The following HS3ST4 variants were observed in gnomAD, a reference collection of about 807,000 sequenced individuals.
HS3ST4 encodes the protein heparan sulfate-glucosamine 3-sulfotransferase 4.
HS3ST4 carries 17 observed loss-of-function variants against 29.2 expected under a neutral mutation model. The ratio of observed to expected loss-of-function variants is 0.58; its 90% CI spans 0.40 to 0.87. The LOEUF is 0.87. HS3ST4 is among the 40% of genes least tolerant of loss of function. HS3ST4 has a pLI of 0.00. For synonymous variants in HS3ST4, 314 were observed against 285.7 expected (o/e 1.10, Z -1.00); for missense variants, 627 against 634.5 (o/e 0.99, Z 0.13).
chr16:25,741,788 C>CT (rs1377014486), intron 1 of HS3ST4, among the ~76,000 whole-genome samples: 1 of 152,102 alleles, frequency 6.6e-6, no homozygotes, highest in Non-Finnish European at 1.5e-5. Flanking sequence ...ATCACAATCC[C>CT]TTATACCAGT....
intron 1 of HS3ST4, among the ~76,000 whole-genome samples, chr16:25,954,945 A>AAGC (rs1353830338): frequency 1.3e-5 from 2 of 152,238 alleles, no homozygotes; most frequent in African/African-American, 4.8e-5. Flanking sequence ...CTTATGAAAT[A>AAGC]ATTTTTATAA....
Position 25,692,272 on chromosome 16 carries a change from C to T in HS3ST4, c.-146C>T. ...ACAGCGGCCAGGGCCGGGGGCGCAGCGGCGTCGCTTCATGCAGCCGGGGCG... is the reference window on the plus strand; with the variant it reads ...ACAGCGGCCAGGGCCGGGGGCGCAGTGGCGTCGCTTCATGCAGCCGGGGCG... On this transcript the variant is annotated 5_prime_UTR_variant, in exon 1 of 2. Transcript: ENST00000331351. 6.5e-6 allele frequency: 1 copy of T among 153,444 alleles called. No homozygotes were observed. Among genetic ancestry groups the T allele is most frequent in the Non-Finnish European group, 1.4e-5 (1 of 72,184 alleles). 9.5% of individuals were successfully genotyped at this position (153,444 alleles called of 1,614,324 possible).
intron 1 of HS3ST4, among the ~76,000 whole-genome samples, chr16:25,976,286 T>C (rs1045853823): frequency 1.3e-5 from 2 of 152,214 alleles, no homozygotes; most frequent in Non-Finnish European, 1.5e-5. Flanking sequence ...TCTGCTCATA[T>C]TTCTCCAGGG....
intron 1 of HS3ST4, chr16:26,032,959 G>A: frequency 1.4e-6 from 1 of 698,312 alleles, no homozygotes; most frequent in Admixed American, 2.1e-5. Flanking sequence ...CAGGCCCAAA[G>A]TATTCTTACA....
chr16:25,758,782 C>G (rs372327416), intron 1 of HS3ST4, among the ~76,000 whole-genome samples: 1 of 152,042 alleles, frequency 6.6e-6, no homozygotes, highest in South Asian at 2.1e-4. Flanking sequence ...ATGGTGAAAC[C>G]CTGTCTCTAC....
chr16:26,074,265 AG>A (rs1312101585), intron 1 of HS3ST4, among the ~76,000 whole-genome samples: 1 of 152,212 alleles, frequency 6.6e-6, no homozygotes, highest in East Asian at 1.9e-4. Context: ...CATCAGGTAC[AG>A]TTGTCTGGCT....
chr16:25,965,410 A>C (rs1227761913), intron 1 of HS3ST4, among the ~76,000 whole-genome samples: 1 of 152,130 alleles, frequency 6.6e-6, no homozygotes, highest in Non-Finnish European at 1.5e-5. Flanking sequence ...AAAAAAAAAA[A>C]AAAAAGTTCC....
At chr16:26,091,398 G>T (rs765697510) in intron 1 of HS3ST4, among the ~76,000 whole-genome samples, 1 of 152,156 alleles carries the variant, frequency 6.6e-6, no homozygotes, top group South Asian at 2.1e-4. Context: ...AGTATAAATC[G>T]TGCCCAATCA....
chr16:25,901,409 G>A (rs867102488), intron 1 of HS3ST4, among the ~76,000 whole-genome samples: 23 of 152,174 alleles, frequency 1.5e-4, no homozygotes, highest in Non-Finnish European at 2.5e-4. Context: ...GGTGGCTTAC[G>A]CCTATATTCC....
At chr16:25,949,357 C>T (rs538064357) in intron 1 of HS3ST4, among the ~76,000 whole-genome samples, 3 of 152,292 alleles carry the variant, frequency 2.0e-5, no homozygotes, top group Admixed American at 6.5e-5. Flanking sequence ...ACCTTACCTC[C>T]ACAACAGCTC....
intron 1 of HS3ST4, among the ~76,000 whole-genome samples, chr16:25,945,523 G>T (rs1489192910): frequency 6.6e-6 from 1 of 152,116 alleles, no homozygotes; most frequent in Non-Finnish European, 1.5e-5. Flanking sequence ...AATAATTGCT[G>T]CATCACAGTA....
intron 1 of HS3ST4, among the ~76,000 whole-genome samples, chr16:25,910,165 A>G (rs1968222550): frequency 6.6e-6 from 1 of 152,196 alleles, no homozygotes; most frequent in African/African-American, 2.4e-5. Flanking sequence ...GGACACAAAG[A>G]ACCATGTATT....
chr16:26,058,668 T>G lies in HS3ST4; in HGVS notation c.735-76944T>G, dbSNP rs1011401122. Among the ~76,000 whole-genome samples, 2 of 152,214 alleles carry G rather than the reference T, an allele frequency of 1.3e-5. 1 individual carries two copies. The highest frequency in any genetic ancestry group is 4.8e-5 in the African/African-American group (2 of 41,462). ...TCACTCTCCAGGGCAGAGGCAAATC[T>G]ACTTGGCTAGAAATTGGTTCTGTTG... On this transcript the variant is annotated intron_variant, in intron 1 of 1. Transcript: ENST00000331351.
At chr16:25,920,172 T>TTG (rs1352130914) in intron 1 of HS3ST4, among the ~76,000 whole-genome samples, 2 of 152,194 alleles carry the variant, frequency 1.3e-5, no homozygotes, top group African/African-American at 4.8e-5. Context: ...CCCCATCCTA[T>TTG]TGTGTCTGGA....
chr16:25,936,911 C>T (rs1378223944), intron 1 of HS3ST4, among the ~76,000 whole-genome samples: 1 of 152,182 alleles, frequency 6.6e-6, no homozygotes, highest in Non-Finnish European at 1.5e-5. Flanking sequence ...ATGGAAAGTA[C>T]AGTTGCAGGT....
At chr16:25,989,418 A>C (rs1299317888) in intron 1 of HS3ST4, among the ~76,000 whole-genome samples, 1 of 152,210 alleles carries the variant, frequency 6.6e-6, no homozygotes, top group Non-Finnish European at 1.5e-5. Context: ...ATACATGGGA[A>C]GACCTTTATG....
At chr16:25,735,879 A>G (rs1269023959) in intron 1 of HS3ST4, among the ~76,000 whole-genome samples, 4 of 152,220 alleles carry the variant, frequency 2.6e-5, no homozygotes, top group African/African-American at 9.6e-5. Flanking sequence ...CCTGCCTCAG[A>G]CAATGCAGAA....
At chr16:25,892,704 A>G (rs1968022396) in intron 1 of HS3ST4, among the ~76,000 whole-genome samples, 1 of 152,164 alleles carries the variant, frequency 6.6e-6, no homozygotes, top group African/African-American at 2.4e-5. Flanking sequence ...CACATTCCTC[A>G]AAGATGTTGT....
intron 1 of HS3ST4, among the ~76,000 whole-genome samples, chr16:25,792,579 A>G (rs966556921): frequency 6.6e-6 from 1 of 151,958 alleles, no homozygotes; most frequent in South Asian, 2.1e-4. Context: ...TTTCAAATAC[A>G]TGGGAATAAA....
Sources: gnomAD v4.1 joint callset for allele counts (sites outside exome capture counted in the v4.1 genomes callset) on GRCh38, gnomAD v4.1.1 for gene constraint, MANE v1.5 for transcripts, NCBI Gene and HGNC (gene_info 2026-07-23, HGNC 2026-07-21) for gene names.